MICU1: variants seen among roughly 807,000 people sequenced by gnomAD.
The protein encoded by MICU1 is calcium uptake protein 1, mitochondrial.
A neutral mutation model predicts 56.8 loss-of-function variants in MICU1; 45 were observed. The ratio of observed to expected loss-of-function variants is 0.79; its 90% CI spans 0.62 to 1.02. The LOEUF is 1.02. Among genes scored for constraint, MICU1 ranks in the 50% least tolerant of loss-of-function variants. The pLI is 0.00. For missense variants in MICU1, 504 were observed against 587.1 expected, an observed-to-expected ratio of 0.86 and a Z score of 1.46; for synonymous variants, 186 against 195.1, an observed-to-expected ratio of 0.95 and a Z score of 0.39.
At chr10:72,433,143 T>C (rs761557157) in intron 8 of MICU1, among the ~76,000 whole-genome samples, 1 of 151,378 alleles carries the variant, frequency 6.6e-6, no homozygotes, top group Non-Finnish European at 1.5e-5. Context: ...GTTCACCATG[T>C]TGGCCAGGCT....
In MICU1 at chr10:72,592,325, G is replaced by A. The variant is rs554055988; in HGVS notation, c.-1-25531C>T. ...GCCCAGCCTGAGACCCTGTTTCAAGGAAAAAAAAAAGAATTCTCCCAACAA... is the reference window on the plus strand; with the variant it reads ...GCCCAGCCTGAGACCCTGTTTCAAGAAAAAAAAAAAGAATTCTCCCAACAA... On this transcript the variant is annotated intron_variant, in intron 1 of 11. Transcript: ENST00000361114. Among the ~76,000 whole-genome samples the A allele has an allele frequency of 2.8e-3, 413 of 149,758 alleles. 1 individual carries two copies. The highest frequency in any genetic ancestry group is 9.8e-3 in the African/African-American group (394 of 40,276).
At chr10:72,423,514 G>T in intron 8 of MICU1, 143 bp from the exon 9 acceptor site, 1 of 1,040,922 alleles carries the variant, frequency 9.6e-7, no homozygotes, top group Non-Finnish European at 1.3e-6. Flanking sequence ...AGTAAGATCT[G>T]CAAAAACTAA....
At chr10:72,501,015 C>A (rs1867051875) in intron 6 of MICU1, among the ~76,000 whole-genome samples, 1 of 152,088 alleles carries the variant, frequency 6.6e-6, no homozygotes, top group Non-Finnish European at 1.5e-5. Flanking sequence ...TATTAACTTA[C>A]TTTAAGAATC....
chr10:72,587,962 G>C (rs1202874630), intron 1 of MICU1, among the ~76,000 whole-genome samples: 5 of 152,126 alleles, frequency 3.3e-5, no homozygotes, highest in African/African-American at 1.2e-4. Context: ...TTGTTAATCT[G>C]ATTTTTGTTT....
intron 1 of MICU1, among the ~76,000 whole-genome samples, chr10:72,616,157 C>T (rs188112511): frequency 6.6e-6 from 1 of 152,170 alleles, no homozygotes; most frequent in Non-Finnish European, 1.5e-5. Flanking sequence ...GTATGAGTCA[C>T]GTTTTCCTAC....
chr10:72,449,253 C>T (rs1865218997), intron 8 of MICU1, among the ~76,000 whole-genome samples: 1 of 152,116 alleles, frequency 6.6e-6, no homozygotes, highest in Non-Finnish European at 1.5e-5. Flanking sequence ...CAAAAATTAG[C>T]AAGGCATGGT....
intron 10 of MICU1, among the ~76,000 whole-genome samples, chr10:72,387,474 T>C (rs1187074705): frequency 6.6e-6 from 1 of 152,222 alleles, no homozygotes; most frequent in Non-Finnish European, 1.5e-5. Flanking sequence ...GAAAACATGG[T>C]TCAAGTCTTT....
intron 6 of MICU1, 109 bp downstream of exon 6, chr10:72,508,046 T>C: frequency 1.9e-6 from 1 of 530,974 alleles, no homozygotes; most frequent in Non-Finnish European, 3.0e-6. Context: ...TATAATTCAT[T>C]ATAATTCATT....
rs1302885760 is a variant in MICU1, at chr10:72,596,033, C to T, written c.-1-29239G>A. On this transcript the variant is annotated intron_variant, in intron 1 of 11. Transcript: ENST00000361114. ...CAGAGTCTTGCTCTGCTGCCCAGGCCGGAGTGCAGTGGCACAATCTTGGCT... is the reference window on the plus strand; with the variant it reads ...CAGAGTCTTGCTCTGCTGCCCAGGCTGGAGTGCAGTGGCACAATCTTGGCT... 3.3e-5 allele frequency among the ~76,000 whole-genome samples: 5 copies of T among 151,364 alleles called. No homozygotes were observed. In the South Asian group the frequency reaches 8.3e-4, roughly 25 times the overall value.
chr10:72,446,705 T>G (rs1388508174), intron 8 of MICU1, among the ~76,000 whole-genome samples: 1 of 152,184 alleles, frequency 6.6e-6, no homozygotes, highest in African/African-American at 2.4e-5. Flanking sequence ...CACAACAGCA[T>G]TTTTTTCTTT....
intron 1 of MICU1, among the ~76,000 whole-genome samples, chr10:72,580,035 A>T (rs1042790267): frequency 4.6e-5 from 7 of 152,188 alleles, no homozygotes; most frequent in Non-Finnish European, 1.0e-4. Flanking sequence ...TGACAGATTT[A>T]AAAAATGCCA....
At chr10:72,394,515 A>G (rs1863182197) in intron 10 of MICU1, among the ~76,000 whole-genome samples, 1 of 152,086 alleles carries the variant, frequency 6.6e-6, no homozygotes, top group African/African-American at 2.4e-5. Flanking sequence ...AATCCCAGCT[A>G]CTGGGGAGGC....
At chr10:72,505,655 CT>C (rs1380095897) in intron 6 of MICU1, among the ~76,000 whole-genome samples, 1 of 152,144 alleles carries the variant, frequency 6.6e-6, no homozygotes, top group Non-Finnish European at 1.5e-5. Context: ...ATAATGCCCT[CT>C]GCAGCAACAT....
chr10:72,555,836 A>C (rs1161172434), intron 3 of MICU1, among the ~76,000 whole-genome samples: 2 of 152,254 alleles, frequency 1.3e-5, no homozygotes, highest in African/African-American at 4.8e-5. Context: ...AAATTAAATA[A>C]GAGGAGAGGA....
chr10:72,518,992 T>C (rs1867740454), intron 5 of MICU1, among the ~76,000 whole-genome samples: 1 of 152,270 alleles, frequency 6.6e-6, no homozygotes, highest in Non-Finnish European at 1.5e-5. Flanking sequence ...GAATTGGATA[T>C]TCTTAAAAGA....
At chr10:72,499,949 A>G (rs893855619) in intron 6 of MICU1, among the ~76,000 whole-genome samples, 2 of 152,130 alleles carry the variant, frequency 1.3e-5, no homozygotes, top group Non-Finnish European at 2.9e-5. Context: ...TGCTATTGTA[A>G]TATCTCAAAA....
chr10:72,454,721 A>G (rs1290915242), intron 8 of MICU1, among the ~76,000 whole-genome samples: 4 of 147,528 alleles, frequency 2.7e-5, no homozygotes, highest in Non-Finnish European at 4.5e-5. Context: ...AGGCAAAGGT[A>G]GCAGTGAGCT....
rs545907348 is a variant in MICU1, at chr10:72,535,597, C to CA, written c.494-1809dup. Reference sequence around the variant, plus strand: ...TACCAAGTGTTCTAAGCATATTGAACAAAAAAAACTACCCACACTTCAGTG... The same window carrying CA: ...TACCAAGTGTTCTAAGCATATTGAACAAAAAAAAACTACCCACACTTCAGTG... On this transcript the variant is annotated intron_variant, in intron 4 of 11. Coordinates refer to ENST00000361114, the MANE Select transcript of MICU1 (RefSeq NM_001195518.2). Among the ~76,000 whole-genome samples, 50 of 151,588 alleles carry CA rather than the reference C, an allele frequency of 3.3e-4. No individual in the cohort carries two copies. In the South Asian group the frequency reaches 3.5e-3, roughly 11 times the overall value.
intron 1 of MICU1, among the ~76,000 whole-genome samples, chr10:72,585,658 CAA>C (rs201988384): frequency 3.2e-5 from 4 of 123,888 alleles, no homozygotes; most frequent in African/African-American, 3.0e-5. Flanking sequence ...GACTCTTTCT[CAA>C]AAAAAAAAAA....
Sources: allele counts gnomAD v4.1 joint callset (sites outside exome capture counted in the v4.1 genomes callset), GRCh38; gene constraint gnomAD v4.1.1; transcripts MANE v1.5; gene names NCBI Gene and HGNC (gene_info 2026-07-23, HGNC 2026-07-21).